Variants in JAK2 observed in about 807,000 individuals in gnomAD.
JAK2 encodes the protein Janus kinase 2.
Under a neutral mutation model 139.3 loss-of-function variants are expected in JAK2, and 86 were observed. The observed-to-expected ratio is 0.62, with a 90% CI of 0.52 to 0.74. The LOEUF is 0.74. Among genes scored for constraint, JAK2 ranks in the 30% least tolerant of loss-of-function variants. The pLI, the probability that JAK2 is intolerant of heterozygous loss-of-function variation, is 0.00. For synonymous variants in JAK2, 490 were observed against 437.7 expected (o/e 1.12, Z -1.49); for missense variants, 1,421 against 1,360.3 (o/e 1.04, Z -0.70).
intron 22 of JAK2, chr9:5,114,498 G>C (rs1368012771): frequency 2.1e-6 from 1 of 472,140 alleles, no homozygotes; most frequent in Non-Finnish European, 4.2e-6. Flanking sequence ...TCCCCCACAG[G>C]TCTACGTGTT....
rs576857296 is a variant in JAK2 at position 4,993,714 on chromosome 9, G to C, written c.-26+7692G>C. ...TTTCCTCAAGACCCTTTACATGTGT[G>C]AACACAAAGGGTCCTTATCTGTTCC... On this transcript the variant is annotated intron_variant, in intron 2 of 24. Transcript: ENST00000381652. Among the ~76,000 whole-genome samples the C allele has an allele frequency of 1.8e-4, 27 of 152,270 alleles. 1 individual carries two copies. In the East Asian group the frequency reaches 4.4e-3, roughly 25 times the overall value.
rs150347452 is a variant in JAK2, at chr9:4,987,893, G to A, written c.-26+1871G>A. ...GTCTTGGCTACTATCACGGCTGGGA[G>A]GCAAAGGAGATTCAGAGAAGGGCAG... On this transcript the variant is annotated intron_variant, in intron 2 of 24. Transcript: ENST00000381652. Among the ~76,000 whole-genome samples, 12 of 152,302 alleles carry A rather than the reference G, an allele frequency of 7.9e-5. No homozygotes were observed. In the East Asian group the frequency reaches 2.1e-3, roughly 27 times the overall value.
intron 4 of JAK2, chr9:5,041,632 T>C (rs1816528608): frequency 2.0e-6 from 1 of 501,148 alleles, no homozygotes; most frequent in Non-Finnish European, 4.0e-6. Flanking sequence ...CGCCTGGACT[T>C]TGAGAAGCTC....
chr9:5,118,424 C>T (rs1823368569), intron 22 of JAK2, among the ~76,000 whole-genome samples: 1 of 152,060 alleles, frequency 6.6e-6, no homozygotes, highest in African/African-American at 2.4e-5. Flanking sequence ...TTCCTGTGAC[C>T]AACAAACTTG....
At chr9:5,080,428 A>T in intron 17 of JAK2, 48 bp downstream of exon 17, 1 of 1,552,608 alleles carries the variant, frequency 6.4e-7, no homozygotes. Context: ...CTGAACTTTC[A>T]TATTTCTTTC....
At chr9:5,042,360 A>G (rs897598216) in intron 4 of JAK2, among the ~76,000 whole-genome samples, 3 of 149,904 alleles carry the variant, frequency 2.0e-5, no homozygotes, top group African/African-American at 7.4e-5. Context: ...GATGGTCTCG[A>G]TCTCCTGACC....
At position 5,069,176 on chromosome 9, in the gene JAK2, A is replaced by G; in HGVS notation, c.1481A>G (p.Gln494Arg). Reference sequence around the variant, plus strand: ...GTTCGCTCAGACAATATAATTTTCCAGTTTACTAAATGCTGTCCCCCAAAG... The same window carrying G: ...GTTCGCTCAGACAATATAATTTTCCGGTTTACTAAATGCTGTCCCCCAAAG... ...ETVRSDNIIF[Q>R]FTKCCPPKPK... is the part of the protein sequence containing the mutation. Residue 494 changes from glutamine (Q) to arginine (R), a missense_variant, in exon 11 of 25, where the codon CAG becomes CGG. Coordinates refer to ENST00000381652, the MANE Select transcript of JAK2 (RefSeq NM_004972.4). 1 of 1,610,240 alleles carries G rather than the reference A, an allele frequency of 6.2e-7. No homozygotes were observed. The highest frequency in any genetic ancestry group is 8.5e-7 in the Non-Finnish European group (1 of 1,178,730).
chr9:5,100,620 A>C (rs951256301), intron 22 of JAK2: 16 of 152,260 alleles, frequency 1.1e-4, no homozygotes, highest in African/African-American at 3.9e-4. Flanking sequence ...AACGCTTAGA[A>C]GTACCTTTCT....
chr9:5,011,773 G>A (rs1821718531), intron 2 of JAK2, among the ~76,000 whole-genome samples: 1 of 152,154 alleles, frequency 6.6e-6, no homozygotes, highest in African/African-American at 2.4e-5. Flanking sequence ...TGTTCTAGCA[G>A]GCAGTTAAAT....
intron 4 of JAK2, among the ~76,000 whole-genome samples, chr9:5,030,929 T>G (rs1823105847): frequency 6.6e-6 from 1 of 152,000 alleles, no homozygotes; most frequent in Admixed American, 6.5e-5. Context: ...TGTACAAAAA[T>G]CAACAGCATT....
Position 5,077,563 on chromosome 9 carries a change from TG to T in JAK2, c.1978del (p.Ala660ProfsTer5). 6.7e-7 allele frequency: 1 copy of T among 1,491,112 alleles called. No individual in the cohort carries two copies. The highest frequency in any genetic ancestry group is 8.9e-7 in the Non-Finnish European group (1 of 1,122,700). 92.4% of individuals were successfully genotyped at this position (1,491,112 alleles called of 1,614,324 possible). A position where few individuals can be genotyped will look rare whatever the true frequency, so the allele number is the denominator to read the frequency against. On this transcript the variant is annotated frameshift_variant, in exon 15 of 25. Transcript: ENST00000381652. LOFTEE classifies it high-confidence loss of function. ...ACTTGAAGTTGCTAAACAGTTGGCA[TG>T]GGCCATGCATTTTCTAGTAAGTAGT... Reference protein sequence around the residue: ...WKLEVAKQLAWAMHFLEENTL... With the variant: ...WKLEVAKQLAXAMHFLEENTL...
chr9:5,104,982 C>T (rs537069884), intron 22 of JAK2, among the ~76,000 whole-genome samples: 1 of 152,310 alleles, frequency 6.6e-6, no homozygotes, highest in East Asian at 1.9e-4. Context: ...GGAAGCATTC[C>T]CTTTGAAAAC....
chr9:5,054,827 C>A lies in JAK2; in HGVS notation c.879C>A (p.Asn293Lys), dbSNP rs750631973. ...TTGCAACCATTATAATAACTGGAAA[C>A]GGTGGAATTCAGTGGTCAAGAGGGA... ...EIFATIIITGNGGIQWSRGKH... is the reference protein window; with the variant it reads ...EIFATIIITGKGGIQWSRGKH... Residue 293 changes from asparagine to lysine, a missense_variant, in exon 7 of 25, where the codon AAC (asparagine) becomes AAA (lysine). Asn to Lys is a moderately conservative substitution (Grantham distance 94). Coordinates refer to ENST00000381652, the MANE Select transcript of JAK2 (RefSeq NM_004972.4). The surrounding 1 kb of genome is among the most constrained non-coding windows in gnomAD (Gnocchi z 4.9). 1 of 1,611,986 alleles carries A rather than the reference C, an allele frequency of 6.2e-7. No homozygotes were observed. Among genetic ancestry groups the A allele is most frequent in the Non-Finnish European group, 8.5e-7 (1 of 1,179,008 alleles).
intron 8 of JAK2, among the ~76,000 whole-genome samples, chr9:5,061,630 G>C (rs952856049): frequency 1.3e-5 from 2 of 152,186 alleles, no homozygotes; most frequent in African/African-American, 4.8e-5. Context: ...TGTTATGGCT[G>C]GTTTGATCTT....
chr9:5,016,761 C>A (rs1306677091), intron 2 of JAK2, among the ~76,000 whole-genome samples: 1 of 152,148 alleles, frequency 6.6e-6, no homozygotes, highest in Non-Finnish European at 1.5e-5. Flanking sequence ...CCCACTATCC[C>A]AACCCTGCCA....
chr9:4,999,872 A>G (rs1230200770), intron 2 of JAK2, among the ~76,000 whole-genome samples: 1 of 152,202 alleles, frequency 6.6e-6, no homozygotes, highest in Non-Finnish European at 1.5e-5. Flanking sequence ...TTAGATATGC[A>G]TGCTACTACT....
intron 22 of JAK2, among the ~76,000 whole-genome samples, chr9:5,117,055 C>T (rs1319683801): frequency 6.6e-6 from 1 of 152,230 alleles, no homozygotes; most frequent in East Asian, 1.9e-4. Context: ...TCTTGCCTTT[C>T]CACTTTCATC....
intron 8 of JAK2, among the ~76,000 whole-genome samples, chr9:5,056,099 C>G (rs1408771099): frequency 6.6e-6 from 1 of 151,874 alleles, no homozygotes; most frequent in African/African-American, 2.4e-5. Flanking sequence ...TAATGCTCAC[C>G]CCTGACTAAA....
rs760746825 is a variant in JAK2, at chr9:5,078,374, G to A, written c.2061G>A (p.Arg687=). The A allele has an allele frequency of 1.2e-6, 2 of 1,612,874 alleles. No individual in the cohort carries two copies. Among genetic ancestry groups the A allele is most frequent in the East Asian group, 4.5e-5 (2 of 44,756 alleles). ...TTCTGCTTATCAGAGAAGAAGACAGGAAGACAGGAAATCCTCCTTTCATCA... is the reference window on the plus strand; with the variant it reads ...TTCTGCTTATCAGAGAAGAAGACAGAAAGACAGGAAATCCTCCTTTCATCA... The part of the protein sequence containing the change: ...KNILLIREED[R]KTGNPPFIKL... Residue 687 remains arginine, a synonymous_variant, in exon 16 of 25, where the codon AGG becomes AGA. Coordinates refer to ENST00000381652, the MANE Select transcript of JAK2 (RefSeq NM_004972.4).
Sources: gnomAD v4.1 joint callset for allele counts (sites outside exome capture counted in the v4.1 genomes callset) on GRCh38, gnomAD v4.1.1 for gene constraint, Gnocchi (gnomAD v3.1) non-coding constraint, MANE v1.5 for transcripts, NCBI Gene and HGNC (gene_info 2026-07-23, HGNC 2026-07-21) for gene names.